The following LRRK1 variants were observed in gnomAD, a reference collection of about 807,000 sequenced individuals.
LRRK1 encodes leucine-rich repeat serine/threonine-protein kinase 1.
LRRK1 carries 113 observed loss-of-function variants against 209.1 expected under a neutral mutation model. The observed-to-expected ratio is 0.54, with a 90% CI of 0.46 to 0.63. LRRK1 has a LOEUF of 0.63. Ranked by LOEUF, LRRK1 falls within the 30% of genes least tolerant of loss-of-function variation. The pLI, the probability that LRRK1 is intolerant of heterozygous loss-of-function variation, is 0.00. For missense variants in LRRK1, 2,284 were observed against 2,632.2 expected (o/e 0.87, Z 2.89); for synonymous variants, 1,144 against 1,099.7 (o/e 1.04, Z -0.80).
Position 101,066,655 on chromosome 15 carries a change from T to C in LRRK1, c.5784T>C (p.Val1928=), listed in dbSNP as rs1204803397. The change falls in exon 33 of 34, where the codon GTT becomes GTC. Residue 1928 remains valine (V), a synonymous_variant. Transcript: ENST00000388948. ...GGTTGCTTAGGCGCGGTGGAGATGTTATCGTCATTGGCCTGGAGAAGGATT... is the reference window on the plus strand; with the variant it reads ...GGTTGCTTAGGCGCGGTGGAGATGTCATCGTCATTGGCCTGGAGAAGGATT... ...LIWVPRRGGD[V]IVIGLEKDSG... 1 of 1,614,092 alleles carries C rather than the reference T, an allele frequency of 6.2e-7. No individual in the cohort carries two copies. The highest frequency in any genetic ancestry group is 8.5e-7 in the Non-Finnish European group (1 of 1,180,032).
At chr15:101,018,719 C>T (rs951493946) in intron 12 of LRRK1, among the ~76,000 whole-genome samples, 10 of 152,148 alleles carry the variant, frequency 6.6e-5, no homozygotes, top group Non-Finnish European at 1.0e-4. Context: ...GTGAGGGGGC[C>T]GCGCCCCTGG....
intron 10 of LRRK1, among the ~76,000 whole-genome samples, chr15:101,014,041 G>C (rs1038353111): frequency 6.6e-6 from 1 of 152,088 alleles, no homozygotes; most frequent in South Asian, 2.1e-4. Context: ...CCTTAATGCT[G>C]ACAGCTGCTT....
Position 101,074,989 on chromosome 15 carries a change from CTTCTT to C in LRRK1, c.*6142_*6146del. 8 of 143,190 alleles carry C rather than the reference CTTCTT, an allele frequency of 5.6e-5. No individual in the cohort carries two copies. Among genetic ancestry groups the C allele is most frequent in the Non-Finnish European group, 7.6e-5 (5 of 66,048 alleles). The allele number at this position is 143,190 out of a possible 1,614,324, so 8.9% of individuals were successfully genotyped here. ...CTCTCTGACTGACTCCTTCCCAGAT[CTTCTT>C]GGCTTAGCGGCTGAAGACTGACACT... On this transcript the variant is annotated 3_prime_UTR_variant, in exon 34 of 34. Coordinates refer to ENST00000388948, the MANE Select transcript of LRRK1 (RefSeq NM_024652.6).
In LRRK1 at chr15:101,027,620, C is replaced by T. The variant is rs540886665; in HGVS notation, c.2527-18C>T. 3.3e-5 allele frequency: 53 copies of T among 1,607,438 alleles called. No homozygotes were observed. The South Asian group carries it at 3.5e-4, about 10-fold the overall frequency. On this transcript the variant is annotated intron_variant, in intron 18 of 33. Coordinates refer to ENST00000388948, the MANE Select transcript of LRRK1 (RefSeq NM_024652.6). The surrounding 1 kb of genome is among the most constrained non-coding windows in gnomAD (Gnocchi z 5.1). Reference sequence around the variant, plus strand: ...CCTTGGGACCTGAGAGACCCTGCCTCGCCCAACTGTCCCCCAGATCCCCAG... The same window carrying T: ...CCTTGGGACCTGAGAGACCCTGCCTTGCCCAACTGTCCCCCAGATCCCCAG...
chr15:100,991,226 C>T (rs538930555), intron 6 of LRRK1, among the ~76,000 whole-genome samples: 5 of 152,246 alleles, frequency 3.3e-5, no homozygotes, highest in South Asian at 2.1e-4. Context: ...CATATTGTTT[C>T]GATTATAGGC....
At chr15:101,062,490 C>T (rs2036244108) in intron 30 of LRRK1, 84 bp from the exon 31 acceptor site, 2 of 949,160 alleles carry the variant, frequency 2.1e-6, no homozygotes, top group South Asian at 2.6e-5. Context: ...TCCCCAAGTC[C>T]AAGTGCATCC....
At chr15:101,067,308 T>C (rs2925201) in intron 33 of LRRK1, 401,444 of 455,992 alleles carry the variant, frequency 0.88, 178,433 homozygotes, top group Non-Finnish European at 0.93. Context: ...GTCTACATGG[T>C]TGCAGTGATG....
At position 101,073,162 on chromosome 15, in the gene LRRK1, GCCA is replaced by G; in HGVS notation, c.*4316_*4318del. The G allele has an allele frequency of 6.5e-6, 1 of 152,960 alleles. No homozygotes were observed. The allele number at this position is 152,960 out of a possible 1,614,324, so 9.5% of individuals were successfully genotyped here. On this transcript the variant is annotated 3_prime_UTR_variant, in exon 34 of 34. Coordinates refer to ENST00000388948, the MANE Select transcript of LRRK1 (RefSeq NM_024652.6). ...ACCTCTTTCTCCTTTCAATCTTGGC[GCCA>G]CACTTCAATTTCTCCCTTCTCTTAA...
chr15:101,020,916 G>A (rs930779667), intron 12 of LRRK1, 137 bp from the exon 13 acceptor site: 28 of 834,070 alleles, frequency 3.4e-5, no homozygotes, highest in Non-Finnish European at 4.7e-5. Flanking sequence ...CTAGGTCGAT[G>A]AGGTGAGCAT....
At position 100,929,824 on chromosome 15, in the gene LRRK1, C is replaced by T. The variant is rs149162445; in HGVS notation, c.97+5095C>T. 4.8e-3 allele frequency among the ~76,000 whole-genome samples: 737 copies of T among 152,320 alleles called. 9 individuals carry two copies. Among genetic ancestry groups the T allele is most frequent in the Non-Finnish European group, 7.8e-3 (529 of 68,030 alleles). ...CCAGCCCCTCCAGGGAGCACAGCCA[C>T]GTCTGGTCAGGAATCTTTTAATGAG... On this transcript the variant is annotated intron_variant, in intron 2 of 33. Transcript: ENST00000388948.
rs1198439939 is a variant in LRRK1, at chr15:101,074,794, C to T, written c.*5946C>T. 4 of 152,092 alleles carry T rather than the reference C, an allele frequency of 2.6e-5. No individual in the cohort carries two copies. Among genetic ancestry groups the T allele is most frequent in the Non-Finnish European group, 5.9e-5 (4 of 68,026 alleles). The allele number at this position is 152,092 out of a possible 1,614,324, so 9.4% of individuals were successfully genotyped here. On this transcript the variant is annotated 3_prime_UTR_variant, in exon 34 of 34. Transcript: ENST00000388948. Reference sequence around the variant, plus strand: ...GCCAGGCATTCCTCCAGAACCTCCTCCCCCAGGAGCTTGCTACAAGTGCCA... The same window carrying T: ...GCCAGGCATTCCTCCAGAACCTCCTTCCCCAGGAGCTTGCTACAAGTGCCA...
intron 4 of LRRK1, among the ~76,000 whole-genome samples, chr15:100,984,773 T>C (rs1265572118): frequency 6.6e-6 from 1 of 152,126 alleles, no homozygotes; most frequent in African/African-American, 2.4e-5. Flanking sequence ...TGGTCTCCTG[T>C]AATTTCCCGT....
intron 20 of LRRK1, among the ~76,000 whole-genome samples, chr15:101,035,287 A>C (rs899515189): frequency 2.0e-5 from 3 of 152,030 alleles, no homozygotes; most frequent in African/African-American, 7.2e-5. Context: ...TAGTATTAGA[A>C]TATATCTCTC....
intron 9 of LRRK1, among the ~76,000 whole-genome samples, chr15:101,011,625 G>A (rs2033252398): frequency 6.6e-6 from 1 of 152,070 alleles, no homozygotes; most frequent in Non-Finnish European, 1.5e-5. Flanking sequence ...TGTTATGGCT[G>A]TTGGTTTTAA....
At chr15:100,989,580 G>A in intron 6 of LRRK1, 182 bp downstream of exon 6, 1 of 628,024 alleles carries the variant, frequency 1.6e-6, no homozygotes, top group Non-Finnish European at 2.7e-6. Flanking sequence ...TATGAAGGTG[G>A]AGGGCAAGAG....
At chr15:100,970,365 G>A (rs1456019592) in intron 2 of LRRK1, among the ~76,000 whole-genome samples, 2 of 152,174 alleles carry the variant, frequency 1.3e-5, no homozygotes, top group Non-Finnish European at 2.9e-5. Flanking sequence ...AAATGAGGGT[G>A]TCCAGTTGTT....
chr15:100,990,844 A>G (rs572531358), intron 6 of LRRK1, among the ~76,000 whole-genome samples: 43 of 152,048 alleles, frequency 2.8e-4, no homozygotes, highest in African/African-American at 1.0e-3. Context: ...AATAATACAT[A>G]ATTCAATATG....
intron 2 of LRRK1, among the ~76,000 whole-genome samples, chr15:100,963,721 T>C (rs1221579328): frequency 6.6e-6 from 1 of 152,184 alleles, no homozygotes; most frequent in Non-Finnish European, 1.5e-5. Flanking sequence ...GACTTCCCGC[T>C]TTTGTTATGT....
At chr15:100,937,394 GAA>G (rs2042319864) in intron 2 of LRRK1, among the ~76,000 whole-genome samples, 1 of 151,922 alleles carries the variant, frequency 6.6e-6, no homozygotes, top group African/African-American at 2.4e-5. Flanking sequence ...ATTGGCCTCA[GAA>G]ACCACAGTTT....
Sources: allele counts gnomAD v4.1 joint callset (sites outside exome capture counted in the v4.1 genomes callset), GRCh38; gene constraint gnomAD v4.1.1; non-coding constraint Gnocchi (gnomAD v3.1); transcripts MANE v1.5; gene names NCBI Gene and HGNC (gene_info 2026-07-23, HGNC 2026-07-21).